Variants in PAPOLA observed in about 807,000 individuals in gnomAD.
PAPOLA encodes poly(A) polymerase alpha.
Under a neutral mutation model 100.6 loss-of-function variants are expected in PAPOLA, and 15 were observed. That is an observed-to-expected ratio of 0.15 (90% confidence interval 0.10 to 0.23). The LOEUF (loss-of-function observed/expected upper bound fraction) is 0.23, where lower values mean the gene tolerates loss of function less well. Ranked by LOEUF, PAPOLA falls within the 10% of genes least tolerant of loss-of-function variation. PAPOLA has a pLI of 1.00. For synonymous variants in PAPOLA, 293 were observed against 300.0 expected (o/e 0.98, Z 0.24); for missense variants, 533 against 884.2 (o/e 0.60, Z 5.04).
At chr14:96,526,861 A>G (rs1898531369) in intron 4 of PAPOLA, 1 of 152,438 alleles carries the variant, frequency 6.6e-6, no homozygotes, top group African/African-American at 2.4e-5. Context: ...TTCCACATTA[A>G]TCTCTCCCTT....
intron 16 of PAPOLA, among the ~76,000 whole-genome samples, chr14:96,550,219 T>G (rs191276594): frequency 6.6e-6 from 1 of 152,350 alleles, no homozygotes; most frequent in African/African-American, 2.4e-5. Flanking sequence ...GTAGATTATG[T>G]TCTTTAGAAC....
chr14:96,548,440 T>C (rs1357774267), intron 16 of PAPOLA, among the ~76,000 whole-genome samples: 1 of 152,186 alleles, frequency 6.6e-6, no homozygotes, highest in Non-Finnish European at 1.5e-5. Context: ...GTGTTAGTGC[T>C]TCCTTTTGAA....
At chr14:96,549,347 C>T (rs968898813) in intron 16 of PAPOLA, among the ~76,000 whole-genome samples, 9 of 151,150 alleles carry the variant, frequency 6.0e-5, no homozygotes, top group African/African-American at 2.2e-4. Flanking sequence ...CTCCTGGGTT[C>T]ACGCCATTCT....
intron 1 of PAPOLA, among the ~76,000 whole-genome samples, chr14:96,511,951 G>A (rs1356777893): frequency 6.6e-6 from 1 of 152,168 alleles, no homozygotes; most frequent in Admixed American, 6.5e-5. Flanking sequence ...TCACAAAATA[G>A]TGTTTTAATT....
intron 6 of PAPOLA, 60 bp downstream of exon 6, chr14:96,528,066 T>G (rs1049263263): frequency 5.3e-6 from 6 of 1,123,168 alleles, no homozygotes; most frequent in African/African-American, 1.5e-5. Context: ...TTGATTGATA[T>G]AGGTTAAAAA....
chr14:96,561,610 T>C (rs1418495626), intron 20 of PAPOLA, among the ~76,000 whole-genome samples: 1 of 152,232 alleles, frequency 6.6e-6, no homozygotes, highest in East Asian at 1.9e-4. Flanking sequence ...TTTCCTGCTG[T>C]AATATTGGTT....
intron 10 of PAPOLA, chr14:96,535,593 A>G (rs531767804): frequency 9.5e-6 from 10 of 1,051,664 alleles, no homozygotes; most frequent in South Asian, 4.5e-5. Flanking sequence ...AAAACTAAAC[A>G]TCAATAGATT....
chr14:96,548,461 C>T (rs1379851412), intron 16 of PAPOLA, among the ~76,000 whole-genome samples: 1 of 151,986 alleles, frequency 6.6e-6, no homozygotes, highest in Admixed American at 6.5e-5. Context: ...TAACTTAGAG[C>T]CATTTTTTCC....
chr14:96,533,550 T>TTC, intron 9 of PAPOLA: 1 of 816,796 alleles, frequency 1.2e-6, no homozygotes, highest in Non-Finnish European at 1.5e-6. Context: ...GAATTTCTTT[T>TTC]TTTTTTTTTT....
chr14:96,524,189 A>G (rs1192306590), intron 3 of PAPOLA, among the ~76,000 whole-genome samples: 1 of 152,048 alleles, frequency 6.6e-6, no homozygotes, highest in Admixed American at 6.6e-5. Flanking sequence ...GTAAAAGGAA[A>G]TATTGACTAA....
intron 3 of PAPOLA, among the ~76,000 whole-genome samples, chr14:96,525,014 C>G (rs1177244945): frequency 6.6e-6 from 1 of 152,152 alleles, no homozygotes. Flanking sequence ...CTAACGTGCT[C>G]CTGTGGGATT....
At chr14:96,509,647 G>A (rs1896971298) in intron 1 of PAPOLA, among the ~76,000 whole-genome samples, 1 of 152,196 alleles carries the variant, frequency 6.6e-6, no homozygotes, top group African/African-American at 2.4e-5. Flanking sequence ...ATGCACCAAT[G>A]ATATGGCCTG....
chr14:96,564,965 G>A lies in PAPOLA; in HGVS notation c.2153G>A (p.Ser718Asn), dbSNP rs748954654. The A allele has an allele frequency of 1.3e-6, 2 of 1,549,928 alleles. No individual in the cohort carries two copies. The highest frequency in any genetic ancestry group is 1.4e-5 in the African/African-American group (1 of 73,592). ...TGCTTTCATTCTCAGAAAACATCCA[G>A]TACAGACCTTTCTGATATCCCTGCT... ...ASLLASQKTS[S>N]TDLSDIPALP... The change falls in exon 22 of 22, where the codon AGT becomes AAT. Residue 718 changes from serine to asparagine, a missense_variant. Ser to Asn is a conservative substitution (Grantham distance 46). Transcript: ENST00000216277.
chr14:96,532,292 GT>G, intron 7 of PAPOLA, 38 bp from the exon 8 acceptor site: 1 of 1,574,080 alleles, frequency 6.4e-7, no homozygotes, highest in Non-Finnish European at 8.6e-7. Flanking sequence ...TTTTGTGTGT[GT>G]GTGTGTGTGT....
At chr14:96,530,341 A>G (rs1335126031) in intron 6 of PAPOLA, among the ~76,000 whole-genome samples, 3 of 151,776 alleles carry the variant, frequency 2.0e-5, no homozygotes, top group Admixed American at 2.0e-4. Flanking sequence ...AGGTATTTGT[A>G]CATTTCCATT....
chr14:96,536,324 A>G (rs1899524789), intron 11 of PAPOLA, among the ~76,000 whole-genome samples: 1 of 152,030 alleles, frequency 6.6e-6, no homozygotes, highest in Non-Finnish European at 1.5e-5. Context: ...CAGGCTGTAT[A>G]CTCCTGGGAA....
rs1899013879 is a variant in PAPOLA at position 96,531,511 on chromosome 14, A to G, written c.532A>G (p.Ile178Val). 2 of 1,610,978 alleles carry G rather than the reference A, an allele frequency of 1.2e-6. No homozygotes were observed. The highest frequency in any genetic ancestry group is 1.7e-5 in the Admixed American group (1 of 59,874). ...GTTTGCAAGATTAGCACTGCAGACA[A>G]TTCCTGAAGATTTGGATCTACGAGA... ...ILFARLALQT[I>V]PEDLDLRDDS... The change falls in exon 7 of 22, where the codon ATT becomes GTT. Residue 178 changes from isoleucine (I) to valine (V), a missense_variant. Around this residue, in one of 9 missense-constraint regions of PAPOLA, gnomAD observed 33 missense variants for 39.2 expected, o/e 0.84. Coordinates refer to ENST00000216277, the MANE Select transcript of PAPOLA (RefSeq NM_032632.5).
chr14:96,551,458 C>T (rs1900841794), intron 16 of PAPOLA, among the ~76,000 whole-genome samples: 1 of 152,184 alleles, frequency 6.6e-6, no homozygotes, highest in African/African-American at 2.4e-5. Flanking sequence ...CAAATCTCAT[C>T]TTCCCCATTT....
intron 16 of PAPOLA, among the ~76,000 whole-genome samples, chr14:96,549,736 C>A (rs1371647636): frequency 1.3e-5 from 2 of 152,138 alleles, no homozygotes; most frequent in African/African-American, 2.4e-5. Context: ...TAGAGCTTAG[C>A]CTCAGGAAAA....
Sources: allele counts gnomAD v4.1 joint callset (sites outside exome capture counted in the v4.1 genomes callset), GRCh38; gene constraint gnomAD v4.1.1; regional missense constraint gnomAD v4.1.1; transcripts MANE v1.5; gene names NCBI Gene and HGNC (gene_info 2026-07-23, HGNC 2026-07-21).